Variants in FAT3 observed in about 807,000 individuals in gnomAD.
FAT3 encodes FAT atypical cadherin 3, also known as protocadherin Fat 3.
A neutral mutation model predicts 310.2 loss-of-function variants in FAT3; 95 were observed. The observed-to-expected ratio is 0.31, with a 90% CI of 0.26 to 0.36. The LOEUF is 0.36. Among genes scored for constraint, FAT3 ranks in the 10% least tolerant of loss-of-function variants. FAT3 has a pLI of 1.00. For synonymous variants in FAT3, 2,314 were observed against 2,192.9 expected, an observed-to-expected ratio of 1.06 and a Z score of -1.54; for missense variants, 5,408 against 5,715.6, an observed-to-expected ratio of 0.95 and a Z score of 1.74.
chr11:92,357,328 A>G (rs1018424186), intron 2 of FAT3, among the ~76,000 whole-genome samples: 13 of 152,184 alleles, frequency 8.5e-5, no homozygotes, highest in African/African-American at 2.9e-4. Context: ...GCCTATTTTC[A>G]AACTTAGCTT....
chr11:92,865,963 G>C (rs1949236347), intron 21 of FAT3, among the ~76,000 whole-genome samples: 1 of 152,214 alleles, frequency 6.6e-6, no homozygotes, highest in Non-Finnish European at 1.5e-5. Flanking sequence ...TGAGGGCCAG[G>C]TGTCACAAAC....
chr11:92,412,183 A>G (rs1472098290), intron 2 of FAT3, among the ~76,000 whole-genome samples: 1 of 151,894 alleles, frequency 6.6e-6, no homozygotes, highest in Non-Finnish European at 1.5e-5. Flanking sequence ...GCTCACTGCA[A>G]TCTTTGCCTT....
intron 3 of FAT3, among the ~76,000 whole-genome samples, chr11:92,642,050 C>G (rs1382310344): frequency 6.6e-6 from 1 of 152,194 alleles, no homozygotes; most frequent in Non-Finnish European, 1.5e-5. Context: ...CATGTCCATT[C>G]TTCCAAATGG....
Position 92,844,000 on chromosome 11 carries a change from A to G in FAT3, c.10633A>G (p.Ser3545Gly). ...CATCCGCGTGCGAGTCATTGAGGAA[A>G]GCACCCACAAGCCCACAGCCATTCC... ...TYIRVRVIEE[S>G]THKPTAIPLE... Residue 3545 changes from serine to glycine, a missense_variant, in exon 19 of 28, where the codon AGC becomes GGC. By Grantham distance (56) the Ser-to-Gly change is moderately conservative. Around this residue, in one of 5 missense-constraint regions of FAT3, gnomAD observed 4,588 missense variants for 4,809.8 expected, o/e 0.95. Coordinates refer to ENST00000525166, the MANE Select transcript of FAT3 (RefSeq NM_001367949.2). 6.2e-7 allele frequency: 1 copy of G among 1,613,952 alleles called. No individual in the cohort carries two copies. The highest frequency in any genetic ancestry group is 1.1e-5 in the South Asian group (1 of 91,074).
intron 3 of FAT3, among the ~76,000 whole-genome samples, chr11:92,684,190 A>G (rs1314113390): frequency 6.6e-6 from 1 of 152,204 alleles, no homozygotes; most frequent in Non-Finnish European, 1.5e-5. Flanking sequence ...TCATTTGACT[A>G]GTTGGTTTTT....
At chr11:92,343,627 T>A (rs1437926910) in intron 1 of FAT3, among the ~76,000 whole-genome samples, 1 of 152,242 alleles carries the variant, frequency 6.6e-6, no homozygotes, top group Non-Finnish European at 1.5e-5. Context: ...CACAGAACTG[T>A]GCAAATTCTC....
At chr11:92,614,007 C>T (rs1341987611) in intron 3 of FAT3, among the ~76,000 whole-genome samples, 1 of 152,094 alleles carries the variant, frequency 6.6e-6, no homozygotes, top group Non-Finnish European at 1.5e-5. Context: ...AATATATAAT[C>T]TTATATGACC....
Position 92,761,991 on chromosome 11 carries a change from AAGAAG to A in FAT3, c.3809_3813del (p.Lys1270ArgfsTer11). The A allele has an allele frequency of 6.2e-7, 1 of 1,613,972 alleles. No homozygotes were observed. Among genetic ancestry groups the A allele is most frequent in the Non-Finnish European group, 8.5e-7 (1 of 1,179,872 alleles). On this transcript the variant is annotated frameshift_variant, in exon 5 of 28. Coordinates refer to ENST00000525166, the MANE Select transcript of FAT3 (RefSeq NM_001367949.2). LOFTEE classifies it high-confidence loss of function. ...GATCAAGCTGCCAGAACGTGACCGAAAGAAGAGAGGAGAACCGATTTACAGGGCTT... is the reference window on the plus strand; with the variant it reads ...GATCAAGCTGCCAGAACGTGACCGAAAGAGGAGAACCGATTTACAGGGCTT...
At chr11:92,584,542 G>A (rs376141828) in intron 3 of FAT3, among the ~76,000 whole-genome samples, 2 of 151,892 alleles carry the variant, frequency 1.3e-5, no homozygotes, top group South Asian at 4.2e-4. Flanking sequence ...AAAGATGAGA[G>A]CATATGTTGA....
chr11:92,686,862 C>G lies in FAT3; in HGVS notation c.3608-10522C>G, dbSNP rs1327982646. Among the ~76,000 whole-genome samples the G allele has an allele frequency of 2.0e-5, 3 of 152,166 alleles. 1 individual carries two copies. The highest frequency in any genetic ancestry group is 1.3e-4 in the Admixed American group (2 of 15,280). Reference sequence around the variant, plus strand: ...ACTTTATCCATCCTCCTGATTTTATCTGTCAGATGAAAACATGTAGAAACA... The same window carrying G: ...ACTTTATCCATCCTCCTGATTTTATGTGTCAGATGAAAACATGTAGAAACA... On this transcript the variant is annotated intron_variant, in intron 3 of 27. Transcript: ENST00000525166.
chr11:92,366,467 C>A, intron 2 of FAT3: 1 of 411,398 alleles, frequency 2.4e-6, no homozygotes, highest in East Asian at 6.1e-5. Context: ...GGAGGGTGCT[C>A]CTGGGGACAG....
At chr11:92,697,812 G>A (rs1207950601) in intron 4 of FAT3, among the ~76,000 whole-genome samples, 1 of 152,176 alleles carries the variant, frequency 6.6e-6, no homozygotes, top group Non-Finnish European at 1.5e-5. Flanking sequence ...CATTTATGAG[G>A]AAGCTTTGCT....
intron 4 of FAT3, among the ~76,000 whole-genome samples, chr11:92,727,500 C>T (rs1013543197): frequency 6.6e-6 from 1 of 151,890 alleles, no homozygotes; most frequent in South Asian, 2.1e-4. Flanking sequence ...TGGTAGATAA[C>T]CTTTTATTTT....
intron 15 of FAT3, 85 bp from the exon 16 acceptor site, chr11:92,836,481 C>T (rs1456975707): frequency 6.7e-7 from 1 of 1,500,858 alleles, no homozygotes; most frequent in Non-Finnish European, 9.0e-7. Context: ...CAGCTGCACC[C>T]ATTTAAACAG....
intron 3 of FAT3, among the ~76,000 whole-genome samples, chr11:92,611,697 C>T (rs1940569299): frequency 6.6e-6 from 1 of 152,136 alleles, no homozygotes; most frequent in African/African-American, 2.4e-5. Context: ...CCCTGGCCCA[C>T]CCTTCTATTT....
rs917338031 is a variant in FAT3 at position 92,530,741 on chromosome 11, T to C, written c.3607+5793T>C. ...TTAATATATGATTATAAAAAAGTGT[T>C]AGTTCATAAGATATGGATGTTCAAA... is the stretch of plus-strand genomic sequence containing the variant. On this transcript the variant is annotated intron_variant, in intron 3 of 27. Transcript: ENST00000525166. 3.9e-5 allele frequency among the ~76,000 whole-genome samples: 6 copies of C among 152,126 alleles called. No individual in the cohort carries two copies. In the South Asian group the frequency reaches 6.2e-4, roughly 16 times the overall value.
chr11:92,351,008 T>C (rs1948549325), intron 1 of FAT3, among the ~76,000 whole-genome samples: 2 of 152,190 alleles, frequency 1.3e-5, no homozygotes, highest in African/African-American at 4.8e-5. Context: ...CCTTGATTGA[T>C]TTTACTGGCT....
rs1441754612 is a variant in FAT3 at position 92,866,764 on chromosome 11, C to A, written c.11682C>A (p.Phe3894Leu). The change falls in exon 22 of 28, where the codon TTC becomes TTA. Residue 3894 changes from phenylalanine to leucine, a missense_variant. Phe to Leu is a conservative substitution (Grantham distance 22). Transcript: ENST00000525166. ...AGATTGTGGATGGCAAGCTGTGGTTCCAGCTGGACTGCGGCAGCGGCCCTG... is the reference window on the plus strand; with the variant it reads ...AGATTGTGGATGGCAAGCTGTGGTTACAGCTGGACTGCGGCAGCGGCCCTG... The part of the protein sequence containing the change: ...ILKIVDGKLW[F>L]QLDCGSGPGI... The A allele has an allele frequency of 6.2e-7, 1 of 1,613,380 alleles. No homozygotes were observed.
Position 92,708,062 on chromosome 11 carries a change from G to A in FAT3, c.3669+10617G>A, listed in dbSNP as rs1187714991. Reference sequence around the variant, plus strand: ...AGCTACCAACCTCATCTATTTTGTGGCAATACTGGTTTACTGAAATACCAA... The same window carrying A: ...AGCTACCAACCTCATCTATTTTGTGACAATACTGGTTTACTGAAATACCAA... On this transcript the variant is annotated intron_variant, in intron 4 of 27. Coordinates refer to ENST00000525166, the MANE Select transcript of FAT3 (RefSeq NM_001367949.2). Among the ~76,000 whole-genome samples the A allele has an allele frequency of 5.9e-5, 9 of 152,266 alleles. No homozygotes were observed. The East Asian group carries it at 1.7e-3, about 29-fold the overall frequency.
Sources: allele counts gnomAD v4.1 joint callset (sites outside exome capture counted in the v4.1 genomes callset), GRCh38; gene constraint gnomAD v4.1.1; regional missense constraint gnomAD v4.1.1; transcripts MANE v1.5; gene names NCBI Gene and HGNC (gene_info 2026-07-23, HGNC 2026-07-21).